The following EPHA5 variants were observed in gnomAD, a reference collection of about 807,000 sequenced individuals.
The protein encoded by EPHA5 is ephrin type-A receptor 5.
A neutral mutation model predicts 105.0 loss-of-function variants in EPHA5; 60 were observed. That is an observed-to-expected ratio of 0.57 (90% CI 0.46 to 0.71). The LOEUF is 0.71. Ranked by LOEUF, EPHA5 falls within the 30% of genes least tolerant of loss-of-function variation. The pLI is 0.00. For synonymous variants in EPHA5, 513 were observed against 449.1 expected (o/e 1.14, Z -1.80); for missense variants, 1,218 against 1,274.7 (o/e 0.96, Z 0.68).
intron 5 of EPHA5, among the ~76,000 whole-genome samples, chr4:65,442,083 T>A (rs1431178072): frequency 6.6e-6 from 1 of 152,062 alleles, no homozygotes; most frequent in Non-Finnish European, 1.5e-5. Context: ...TCCAATGTAA[T>A]TCAGTTTATA....
At chr4:65,376,761 A>G (rs1390956288) in intron 8 of EPHA5, among the ~76,000 whole-genome samples, 1 of 152,022 alleles carries the variant, frequency 6.6e-6, no homozygotes, top group Non-Finnish European at 1.5e-5. Flanking sequence ...CCTAGTTTAA[A>G]TCAGGACCAC....
rs539589622 is a variant in EPHA5 at position 65,476,069 on chromosome 4, TCAGA to T, written c.1402+14304_1402+14307del. Among the ~76,000 whole-genome samples the T allele has an allele frequency of 1.4e-3, 210 of 149,090 alleles. 1 individual carries two copies. Among genetic ancestry groups the T allele is most frequent in the African/African-American group, 5.0e-3 (202 of 40,116 alleles). On this transcript the variant is annotated intron_variant, in intron 5 of 16. Transcript: ENST00000613740. ...ACAAATGTAATTTTTTTTCAGAATGTCAGACAAACACTCCCTGCATCAAAATCAC... is the reference window on the plus strand; with the variant it reads ...ACAAATGTAATTTTTTTTCAGAATGTCAAACACTCCCTGCATCAAAATCAC...
At chr4:65,510,545 T>C (rs748242861) in intron 3 of EPHA5, among the ~76,000 whole-genome samples, 23 of 152,160 alleles carry the variant, frequency 1.5e-4, no homozygotes, top group Non-Finnish European at 3.2e-4. Flanking sequence ...CATTTCCTTA[T>C]CATAAAATAG....
At chr4:65,468,578 ATG>A (rs1410745536) in intron 5 of EPHA5, among the ~76,000 whole-genome samples, 1 of 87,322 alleles carries the variant, frequency 1.1e-5, no homozygotes, top group Non-Finnish European at 2.1e-5. Flanking sequence ...ATATATATAT[ATG>A]TAAAATATAT....
chr4:65,339,316 G>T (rs540750741), intron 14 of EPHA5, among the ~76,000 whole-genome samples: 1 of 151,996 alleles, frequency 6.6e-6, no homozygotes, highest in Non-Finnish European at 1.5e-5. Context: ...GTTTTGAAAG[G>T]CTTTATTCAC....
At chr4:65,516,418 TGAAGAGGAG>T (rs111843140) in intron 3 of EPHA5, among the ~76,000 whole-genome samples, 34,302 of 151,644 alleles carry the variant, frequency 0.23, 4,005 homozygotes, top group African/African-American at 0.28. Flanking sequence ...CTGAGAAGGA[TGAAGAGGAG>T]GAAGAGGAGG....
chr4:65,346,126 T>G (rs1722206601), intron 14 of EPHA5, among the ~76,000 whole-genome samples: 1 of 151,646 alleles, frequency 6.6e-6, no homozygotes, highest in South Asian at 2.1e-4. Context: ...TTTAAAAAGT[T>G]AAACATTTTT....
At chr4:65,334,994 C>T (rs1421132925) in intron 15 of EPHA5, among the ~76,000 whole-genome samples, 2 of 151,888 alleles carry the variant, frequency 1.3e-5, no homozygotes, top group Admixed American at 6.6e-5. Flanking sequence ...GTTAATGATG[C>T]TTGAACAGAG....
intron 2 of EPHA5, among the ~76,000 whole-genome samples, chr4:65,635,050 T>C (rs1746993986): frequency 6.6e-6 from 1 of 152,132 alleles, no homozygotes; most frequent in Admixed American, 6.6e-5. Context: ...AAGTTCTTCT[T>C]GATTCAGGAG....
chr4:65,654,660 A>G (rs1188198520), intron 1 of EPHA5, among the ~76,000 whole-genome samples: 4 of 148,004 alleles, frequency 2.7e-5, no homozygotes, highest in Non-Finnish European at 6.0e-5. Flanking sequence ...ATACATATAT[A>G]TTTATTTATT....
At chr4:65,546,296 C>A (rs1424873956) in intron 3 of EPHA5, among the ~76,000 whole-genome samples, 4 of 151,936 alleles carry the variant, frequency 2.6e-5, no homozygotes, top group Non-Finnish European at 5.9e-5. Context: ...TGCAAATACA[C>A]TGGACATTAA....
At chr4:65,547,791 G>C (rs554158655) in intron 3 of EPHA5, among the ~76,000 whole-genome samples, 8 of 152,052 alleles carry the variant, frequency 5.3e-5, no homozygotes, top group African/African-American at 1.7e-4. Flanking sequence ...CAATGACAGG[G>C]GCTGGAGGGT....
intron 5 of EPHA5, among the ~76,000 whole-genome samples, chr4:65,461,974 C>T (rs1421763832): frequency 6.6e-6 from 1 of 151,734 alleles, no homozygotes; most frequent in Non-Finnish European, 1.5e-5. Flanking sequence ...CAGAACATGC[C>T]GTCTACTGGA....
chr4:65,622,590 G>A (rs987308292), intron 2 of EPHA5, among the ~76,000 whole-genome samples: 5 of 151,906 alleles, frequency 3.3e-5, no homozygotes, highest in African/African-American at 1.2e-4. Flanking sequence ...TCAATTTAAT[G>A]GCTTACTCTT....
intron 3 of EPHA5, among the ~76,000 whole-genome samples, chr4:65,519,044 A>C (rs1734404054): frequency 6.6e-6 from 1 of 152,136 alleles, no homozygotes; most frequent in Non-Finnish European, 1.5e-5. Context: ...ATCCTTGATG[A>C]ACATGGATGC....
intron 1 of EPHA5, among the ~76,000 whole-genome samples, chr4:65,655,807 C>T (rs1318799531): frequency 6.6e-6 from 1 of 152,076 alleles, no homozygotes; most frequent in Non-Finnish European, 1.5e-5. Context: ...CTCTAATGAG[C>T]ACCTCTGCAT....
intron 8 of EPHA5, among the ~76,000 whole-genome samples, chr4:65,376,331 T>A (rs17086144): frequency 0.05 from 7,613 of 152,064 alleles, 345 homozygotes; most frequent in African/African-American, 0.11. Context: ...TGTGTAGGAG[T>A]TCCAATACAT....
intron 5 of EPHA5, among the ~76,000 whole-genome samples, chr4:65,457,354 G>A (rs1327396814): frequency 6.6e-6 from 1 of 152,048 alleles, no homozygotes; most frequent in Admixed American, 6.6e-5. Flanking sequence ...TACATCATAG[G>A]ATCATTATAA....
At chr4:65,559,641 T>G (rs1738809235) in intron 3 of EPHA5, among the ~76,000 whole-genome samples, 1 of 152,122 alleles carries the variant, frequency 6.6e-6, no homozygotes, top group Non-Finnish European at 1.5e-5. Context: ...TACTGTGATG[T>G]GCATATGCAA....
Sources: allele counts gnomAD v4.1 joint callset (sites outside exome capture counted in the v4.1 genomes callset), GRCh38; gene constraint gnomAD v4.1.1; transcripts MANE v1.5; gene names NCBI Gene and HGNC (gene_info 2026-07-23, HGNC 2026-07-21).